LRRN2: variants seen among roughly 807,000 people sequenced by gnomAD.
The protein encoded by LRRN2 is leucine-rich repeat neuronal protein 2.
A neutral mutation model predicts 35.7 loss-of-function variants in LRRN2; 10 were observed. The ratio of observed to expected loss-of-function variants is 0.28; its 90% confidence interval spans 0.17 to 0.47. The LOEUF (loss-of-function observed/expected upper bound fraction) is 0.47. LRRN2 is among the 20% of genes least tolerant of loss of function. The pLI, the probability that LRRN2 is intolerant of heterozygous loss-of-function variation, is 0.99. For missense variants in LRRN2, 731 were observed against 940.3 expected (o/e 0.78, Z 2.91); for synonymous variants, 391 against 409.6 (o/e 0.95, Z 0.55).
chr1:204,662,313 G>C (rs754062708), intron 1 of LRRN2, among the ~76,000 whole-genome samples: 3 of 152,204 alleles, frequency 2.0e-5, no homozygotes, highest in Non-Finnish European at 4.4e-5. Flanking sequence ...GCTACATACA[G>C]GGAGTGGGAA....
At chr1:204,640,410 T>C (rs1336425058) in intron 1 of LRRN2, among the ~76,000 whole-genome samples, 2 of 152,114 alleles carry the variant, frequency 1.3e-5, no homozygotes, top group Non-Finnish European at 2.9e-5. Flanking sequence ...ATTCAGACCA[T>C]AGAGGCCACC....
chr1:204,668,319 G>C (rs548301174), intron 1 of LRRN2, among the ~76,000 whole-genome samples: 1 of 152,190 alleles, frequency 6.6e-6, no homozygotes, highest in Non-Finnish European at 1.5e-5. Flanking sequence ...GAAAGGCCAG[G>C]TGTGGTGACT....
At position 204,618,499 on chromosome 1, in the gene LRRN2, C is replaced by G. The variant is rs1666564586; in HGVS notation, c.1494G>C (p.Val498=). ...TGTCAGCCCCCACCAGGTTCTGGGC[C>G]ACACAGGTGTATAGCCCTGCCTCTT... ...TAEEAGLYTC[V]AQNLVGADTK... is the part of the protein sequence containing the mutation. Residue 498 remains valine (V), a synonymous_variant, in exon 2 of 2, where the codon GTG becomes GTC. Coordinates refer to ENST00000367177, the MANE Select transcript of LRRN2 (RefSeq NM_201630.2). 2 of 1,614,246 alleles carry G rather than the reference C, an allele frequency of 1.2e-6. No homozygotes were observed. Among genetic ancestry groups the G allele is most frequent in the Non-Finnish European group, 1.7e-6 (2 of 1,180,048 alleles).
intron 1 of LRRN2, among the ~76,000 whole-genome samples, chr1:204,681,617 C>T (rs1016062213): frequency 1.3e-5 from 2 of 152,134 alleles, no homozygotes; most frequent in African/African-American, 4.8e-5. Flanking sequence ...GACATCTGAT[C>T]TGTCTCTTTG....
At chr1:204,620,332 G>C in intron 1 of LRRN2, 114 bp from the exon 2 acceptor site, 12 of 597,592 alleles carry the variant, frequency 2.0e-5, no homozygotes, top group Non-Finnish European at 3.0e-5. Context: ...CTGGAGTGCA[G>C]CGGTGCACTC....
intron 1 of LRRN2, among the ~76,000 whole-genome samples, chr1:204,663,706 T>C (rs909404784): frequency 1.3e-5 from 2 of 152,142 alleles, no homozygotes; most frequent in Non-Finnish European, 2.9e-5. Flanking sequence ...TGTGCGCTGC[T>C]TGTTGTGTCT....
intron 1 of LRRN2, among the ~76,000 whole-genome samples, chr1:204,679,077 G>A (rs558582014): frequency 2.3e-4 from 35 of 152,304 alleles, no homozygotes; most frequent in African/African-American, 7.9e-4. Context: ...CAGTGGACAG[G>A]ATGATTCTGC....
At chr1:204,657,334 GTATA>G (rs79698374) in intron 1 of LRRN2, among the ~76,000 whole-genome samples, 5 of 124,858 alleles carry the variant, frequency 4.0e-5, no homozygotes, top group African/African-American at 5.9e-5. Flanking sequence ...CTATATATAT[GTATA>G]TATACACACA....
At chr1:204,661,692 G>A (rs1335633693) in intron 1 of LRRN2, among the ~76,000 whole-genome samples, 1 of 152,230 alleles carries the variant, frequency 6.6e-6, no homozygotes, top group Non-Finnish European at 1.5e-5. Flanking sequence ...GGAGCCATGA[G>A]GGGCAGCTGG....
intron 1 of LRRN2, among the ~76,000 whole-genome samples, chr1:204,681,445 T>C (rs1223174581): frequency 6.6e-6 from 1 of 152,166 alleles, no homozygotes; most frequent in Non-Finnish European, 1.5e-5. Context: ...CTTTATGAAG[T>C]AGGTACTTTT....
chr1:204,632,073 CAAACA>C (rs1201477350), intron 1 of LRRN2, among the ~76,000 whole-genome samples: 1 of 151,550 alleles, frequency 6.6e-6, no homozygotes, highest in Non-Finnish European at 1.5e-5. Flanking sequence ...AACAAACAAA[CAAACA>C]AAACACCTAT....
chr1:204,667,552 A>C (rs965474781), intron 1 of LRRN2, among the ~76,000 whole-genome samples: 4 of 152,162 alleles, frequency 2.6e-5, no homozygotes, highest in African/African-American at 9.7e-5. Context: ...TGCCCATATA[A>C]ATAGCTCACA....
At chr1:204,638,609 A>G (rs1405775308) in intron 1 of LRRN2, among the ~76,000 whole-genome samples, 1 of 151,686 alleles carries the variant, frequency 6.6e-6, no homozygotes, top group Non-Finnish European at 1.5e-5. Flanking sequence ...ATGGGGTTTC[A>G]CCATCTTGGC....
At chr1:204,641,599 T>G (rs1295367987) in intron 1 of LRRN2, among the ~76,000 whole-genome samples, 1 of 151,458 alleles carries the variant, frequency 6.6e-6, no homozygotes, top group East Asian at 1.9e-4. Context: ...ACGAGAGTAG[T>G]ATTATATTTA....
intron 1 of LRRN2, among the ~76,000 whole-genome samples, chr1:204,630,462 G>A (rs1196095292): frequency 6.6e-6 from 1 of 152,068 alleles, no homozygotes; most frequent in African/African-American, 2.4e-5. Context: ...AAATTGATGA[G>A]GCGGAGAGAA....
chr1:204,629,286 T>C (rs1347877613), intron 1 of LRRN2: 1 of 152,350 alleles, frequency 6.6e-6, no homozygotes, highest in Non-Finnish European at 1.5e-5. Flanking sequence ...AGTCATAGTT[T>C]ATGCTGCACC....
chr1:204,657,157 T>C (rs1354231070), intron 1 of LRRN2, among the ~76,000 whole-genome samples: 3 of 151,812 alleles, frequency 2.0e-5, no homozygotes, highest in Admixed American at 1.3e-4. Flanking sequence ...ACACAAAAAT[T>C]AGCCGGGTGT....
At chr1:204,648,161 G>C (rs1217508661) in intron 1 of LRRN2, among the ~76,000 whole-genome samples, 1 of 152,150 alleles carries the variant, frequency 6.6e-6, no homozygotes, top group Non-Finnish European at 1.5e-5. Context: ...CACAGGGTTG[G>C]AACAGGATGG....
At chr1:204,635,240 AG>A (rs1667805046) in intron 1 of LRRN2, among the ~76,000 whole-genome samples, 1 of 152,190 alleles carries the variant, frequency 6.6e-6, no homozygotes. Context: ...GTAAAATAAA[AG>A]CGTTGGACAA....
Sources: gnomAD v4.1 joint callset for allele counts (sites outside exome capture counted in the v4.1 genomes callset) on GRCh38, gnomAD v4.1.1 for gene constraint, MANE v1.5 for transcripts, NCBI Gene and HGNC (gene_info 2026-07-23, HGNC 2026-07-21) for gene names.